The following PAPPA2 variants were observed in gnomAD, a reference collection of about 807,000 sequenced individuals.
PAPPA2 encodes the protein pappalysin-2.
A neutral mutation model predicts 176.4 loss-of-function variants in PAPPA2; 86 were observed. That is an observed-to-expected ratio of 0.49 (90% CI 0.41 to 0.58). The LOEUF is 0.58. Ranked by LOEUF, PAPPA2 falls within the 20% of genes least tolerant of loss-of-function variation. The pLI, the probability that PAPPA2 is intolerant of heterozygous loss-of-function variation, is 0.00. For missense variants in PAPPA2, 2,073 were observed against 2,256.9 expected (o/e 0.92, Z 1.65); for synonymous variants, 809 against 852.2 (o/e 0.95, Z 0.88).
At chr1:176,621,256 G>A (rs1164505623) in intron 3 of PAPPA2, among the ~76,000 whole-genome samples, 1 of 152,188 alleles carries the variant, frequency 6.6e-6, no homozygotes, top group Non-Finnish European at 1.5e-5. Context: ...CGCAGACTAA[G>A]TCATTGTTTT....
At chr1:176,644,597 T>C (rs1657287472) in intron 3 of PAPPA2, among the ~76,000 whole-genome samples, 1 of 151,750 alleles carries the variant, frequency 6.6e-6, no homozygotes, top group African/African-American at 2.4e-5. Flanking sequence ...AATATGGCAA[T>C]ATGCACCATA....
chr1:176,642,149 G>A (rs538699045), intron 3 of PAPPA2, among the ~76,000 whole-genome samples: 24 of 151,936 alleles, frequency 1.6e-4, no homozygotes, highest in African/African-American at 5.1e-4. Context: ...GCTCTGAAAG[G>A]TATGGATAAG....
At chr1:176,835,972 C>T (rs988741000) in intron 21 of PAPPA2, among the ~76,000 whole-genome samples, 5 of 152,054 alleles carry the variant, frequency 3.3e-5, no homozygotes, top group Middle Eastern at 3.4e-3. Flanking sequence ...GGATATGAAG[C>T]CCAGGATATG....
intron 4 of PAPPA2, among the ~76,000 whole-genome samples, chr1:176,671,934 A>C: frequency 8.3e-6 from 1 of 120,706 alleles, no homozygotes; most frequent in South Asian, 3.0e-4. Context: ...GGGGGGAGGG[A>C]TAGCTTTAGG....
rs1171864015 is a variant in PAPPA2 at position 176,699,170 on chromosome 1, C to T, written c.2817C>T (p.His939=). 1 of 1,614,146 alleles carries T rather than the reference C, an allele frequency of 6.2e-7. No homozygotes were observed. The highest frequency in any genetic ancestry group is 1.7e-5 in the Admixed American group (1 of 60,018). Residue 939 remains histidine (H), a synonymous_variant, in exon 8 of 23, where the codon CAC becomes CAT. Coordinates refer to ENST00000367662, the MANE Select transcript of PAPPA2 (RefSeq NM_020318.3). ...GGAGCCCTGAGGTCCACCTGTACCA[C>T]ATGAACATGACGGTCCCCTGCCCCA... ...QAWSPEVHLY[H]MNMTVPCPTE...
chr1:176,669,493 C>A (rs1573224277), intron 3 of PAPPA2, among the ~76,000 whole-genome samples: 1 of 152,020 alleles, frequency 6.6e-6, no homozygotes, highest in Admixed American at 6.6e-5. Flanking sequence ...GAAAACCAGG[C>A]AACAACTCAG....
chr1:176,490,244 A>T lies in PAPPA2; in HGVS notation c.-917+26826A>T, dbSNP rs142068632. 2.0e-3 allele frequency among the ~76,000 whole-genome samples: 301 copies of T among 151,772 alleles called. 1 individual carries two copies. Among genetic ancestry groups the T allele is most frequent in the African/African-American group, 6.5e-3 (268 of 41,350 alleles). The stretch of plus-strand genomic sequence containing the variant: ...TGCTCTATCTTCTACCTTTCAAAGG[A>T]TTTGATAAACTAGTTTATCCTATGA... On this transcript the variant is annotated intron_variant, in intron 1 of 22. Coordinates refer to ENST00000367662, the MANE Select transcript of PAPPA2 (RefSeq NM_020318.3).
chr1:176,591,490 T>C (rs1653662809), intron 2 of PAPPA2, among the ~76,000 whole-genome samples: 1 of 152,224 alleles, frequency 6.6e-6, no homozygotes, highest in Admixed American at 6.5e-5. Context: ...CTATTTATGC[T>C]TTCAATAGTA....
chr1:176,812,655 C>A (rs1355458873), intron 21 of PAPPA2, among the ~76,000 whole-genome samples: 1 of 152,046 alleles, frequency 6.6e-6, no homozygotes, highest in Non-Finnish European at 1.5e-5. Context: ...AAATTTGAAC[C>A]ATTTCCAATT....
At chr1:176,503,640 A>G (rs1648089144) in intron 1 of PAPPA2, among the ~76,000 whole-genome samples, 1 of 152,164 alleles carries the variant, frequency 6.6e-6, no homozygotes, top group African/African-American at 2.4e-5. Flanking sequence ...TAATATGTTC[A>G]TTATTCCAGT....
intron 1 of PAPPA2, among the ~76,000 whole-genome samples, chr1:176,552,663 C>G (rs918322912): frequency 1.3e-5 from 2 of 152,124 alleles, no homozygotes; most frequent in Admixed American, 6.5e-5. Flanking sequence ...AAATGATATT[C>G]CTCCCCCAAC....
At chr1:176,835,900 C>T (rs1312914510) in intron 21 of PAPPA2, among the ~76,000 whole-genome samples, 1 of 152,076 alleles carries the variant, frequency 6.6e-6, no homozygotes, top group East Asian at 1.9e-4. Context: ...CAGGTTCTGC[C>T]CCCAAGATTC....
chr1:176,644,493 A>G (rs1029120641), intron 3 of PAPPA2, among the ~76,000 whole-genome samples: 3 of 151,798 alleles, frequency 2.0e-5, no homozygotes, highest in Admixed American at 1.3e-4. Context: ...TGTTTTCTGC[A>G]TTGTGATATT....
At chr1:176,633,984 C>T (rs1400826092) in intron 3 of PAPPA2, among the ~76,000 whole-genome samples, 5 of 152,182 alleles carry the variant, frequency 3.3e-5, no homozygotes, top group Non-Finnish European at 7.3e-5. Context: ...AACACTTTTA[C>T]ACTATTGGTG....
chr1:176,650,050 G>A (rs560073633), intron 3 of PAPPA2, among the ~76,000 whole-genome samples: 11 of 151,584 alleles, frequency 7.3e-5, no homozygotes, highest in Non-Finnish European at 1.2e-4. Flanking sequence ...ATCTATTAAT[G>A]TATACTTTAT....
In PAPPA2 at chr1:176,594,963, C is replaced by G. The variant is rs1653881229; in HGVS notation, c.1359C>G (p.Asp453Glu). ...QHSSGEEEAT[D>E]LVLTASFEPV... ...CAAGTGGGGAGGAGGAAGCGACTGACTTGGTCCTGACAGCGAGCTTTGAGC... is the reference window on the plus strand; with the variant it reads ...CAAGTGGGGAGGAGGAAGCGACTGAGTTGGTCCTGACAGCGAGCTTTGAGC... Residue 453 changes from aspartate to glutamate, a missense_variant, in exon 3 of 23, where the codon GAC becomes GAG. Asp to Glu is a conservative substitution (Grantham distance 45, BLOSUM62 2). This residue lies in a region of PAPPA2 where 1,196 missense variants were observed against 1,330.4 expected (regional missense o/e 0.90). Coordinates refer to ENST00000367662, the MANE Select transcript of PAPPA2 (RefSeq NM_020318.3). 2 of 1,614,104 alleles carry G rather than the reference C, an allele frequency of 1.2e-6. No individual in the cohort carries two copies.
At chr1:176,558,912 T>A (rs10913202) in intron 2 of PAPPA2, among the ~76,000 whole-genome samples, 40,738 of 152,034 alleles carry the variant, frequency 0.27, 8,080 homozygotes, top group African/African-American at 0.56. Context: ...TCTATGTGGG[T>A]GGCTCTAAGG....
intron 1 of PAPPA2, among the ~76,000 whole-genome samples, chr1:176,490,996 C>T (rs1156616284): frequency 6.6e-6 from 1 of 152,338 alleles, no homozygotes; most frequent in African/African-American, 2.4e-5. Flanking sequence ...CACATGATCA[C>T]ATGCTGGCTC....
At chr1:176,481,957 C>G (rs916623158) in intron 1 of PAPPA2, among the ~76,000 whole-genome samples, 1 of 152,132 alleles carries the variant, frequency 6.6e-6, no homozygotes, top group African/African-American at 2.4e-5. Flanking sequence ...AGTGATCCAC[C>G]TGCCTCAGCC....
Sources: allele counts gnomAD v4.1 joint callset (sites outside exome capture counted in the v4.1 genomes callset), GRCh38; gene constraint gnomAD v4.1.1; regional missense constraint gnomAD v4.1.1; transcripts MANE v1.5; gene names NCBI Gene and HGNC (gene_info 2026-07-23, HGNC 2026-07-21).